PARD3B: variants seen among roughly 807,000 people sequenced by gnomAD.
The protein encoded by PARD3B is par-3 family cell polarity regulator beta.
In PARD3B, 103 loss-of-function variants were observed where a neutral mutation model predicts 130.2. That is an observed-to-expected ratio of 0.79 (90% CI 0.67 to 0.93). The LOEUF (loss-of-function observed/expected upper bound fraction) is 0.93. Ranked by LOEUF, PARD3B falls within the 40% of genes least tolerant of loss-of-function variation. PARD3B has a pLI of 0.00. For missense variants in PARD3B, 1,609 were observed against 1,499.2 expected, an observed-to-expected ratio of 1.07 and a Z score of -1.21; for synonymous variants, 583 against 553.2, an observed-to-expected ratio of 1.05 and a Z score of -0.76.
chr2:205,016,086 C>T (rs1368613471), intron 3 of PARD3B, among the ~76,000 whole-genome samples: 4 of 152,214 alleles, frequency 2.6e-5, no homozygotes, highest in Admixed American at 6.5e-5. Flanking sequence ...CTGTCTAGCA[C>T]TATGACAATA....
chr2:204,887,513 T>C lies in PARD3B; in HGVS notation c.223-77639T>C, dbSNP rs1005790226. 1.3e-5 allele frequency among the ~76,000 whole-genome samples: 2 copies of C among 152,128 alleles called. No individual in the cohort carries two copies. Among genetic ancestry groups the C allele is most frequent in the African/African-American group, 4.8e-5 (2 of 41,414 alleles). On this transcript the variant is annotated intron_variant, in intron 2 of 22. Transcript: ENST00000406610. This position sits in a 1 kb window ranked among gnomAD's most constrained non-coding sequence, Gnocchi z 4.2. Reference sequence around the variant, plus strand: ...TTTTAAAAGCAAAACACTCAAATTATACCACGTTGAAAACATGAAGAGGTG... The same window carrying C: ...TTTTAAAAGCAAAACACTCAAATTACACCACGTTGAAAACATGAAGAGGTG...
chr2:205,264,948 G>A (rs558051664), intron 16 of PARD3B, among the ~76,000 whole-genome samples: 1 of 150,972 alleles, frequency 6.6e-6, no homozygotes, highest in African/African-American at 2.4e-5. Flanking sequence ...CTGTTTATGT[G>A]ATCATAAATC....
rs1575840561 is a variant in PARD3B at position 205,118,994 on chromosome 2, G to T, written c.754G>T (p.Glu252Ter). Residue 252 changes from glutamate (E) to a stop codon, truncating the protein, a stop_gained, in exon 7 of 23, where the codon GAA becomes TAA. Coordinates refer to ENST00000406610, the MANE Select transcript of PARD3B (RefSeq NM_001302769.2). LOFTEE classifies it high-confidence loss of function. ...SKREGLFHEN[E>*]CIVKINNVDL... ...GCGGGAGGGACTATTTCACGAAAAT[G>T]AATGTATTGTAAAAATCAACAATGT... is the stretch of plus-strand genomic sequence containing the variant. 1 of 1,611,818 alleles carries T rather than the reference G, an allele frequency of 6.2e-7. No individual in the cohort carries two copies. The highest frequency in any genetic ancestry group is 8.5e-7 in the Non-Finnish European group (1 of 1,179,122).
At chr2:205,434,997 A>C (rs1241667928) in intron 19 of PARD3B, among the ~76,000 whole-genome samples, 1 of 152,142 alleles carries the variant, frequency 6.6e-6, no homozygotes, top group Non-Finnish European at 1.5e-5. Context: ...AAAAGCTCAA[A>C]CTTTAGCATT....
At chr2:205,064,240 G>C (rs970726356) in intron 4 of PARD3B, among the ~76,000 whole-genome samples, 1 of 152,134 alleles carries the variant, frequency 6.6e-6, no homozygotes, top group African/African-American at 2.4e-5. Flanking sequence ...TAATTCATGA[G>C]AGTGTTGAAC....
chr2:204,777,065 G>C (rs1032539015), intron 2 of PARD3B, among the ~76,000 whole-genome samples: 3 of 152,124 alleles, frequency 2.0e-5, no homozygotes, highest in African/African-American at 7.2e-5. Context: ...AAACCTAATG[G>C]TATGTTCATT....
chr2:204,586,705 G>T (rs1256069205), intron 1 of PARD3B, among the ~76,000 whole-genome samples: 1 of 152,126 alleles, frequency 6.6e-6, no homozygotes, highest in East Asian at 1.9e-4. Flanking sequence ...GGATGGTTTG[G>T]CAGAGACACA....
chr2:204,760,628 A>G (rs2040859307), intron 2 of PARD3B, among the ~76,000 whole-genome samples: 1 of 152,090 alleles, frequency 6.6e-6, no homozygotes, highest in South Asian at 2.1e-4. Context: ...CTGGTTCATT[A>G]TTAAACTTAT....
At chr2:204,732,340 G>A (rs2039551013) in intron 2 of PARD3B, among the ~76,000 whole-genome samples, 1 of 152,032 alleles carries the variant, frequency 6.6e-6, no homozygotes, top group Non-Finnish European at 1.5e-5. Context: ...GTGGCAGGAG[G>A]GCAAACAGCA....
chr2:205,418,512 T>G (rs1276814669), intron 19 of PARD3B, among the ~76,000 whole-genome samples: 1 of 152,120 alleles, frequency 6.6e-6, no homozygotes, highest in Admixed American at 6.6e-5. Flanking sequence ...TGCTATATGA[T>G]CACAGAGAAG....
At chr2:205,150,211 CTGTGTGTGTGTG>C (rs71409001) in intron 10 of PARD3B, among the ~76,000 whole-genome samples, 3 of 134,184 alleles carry the variant, frequency 2.2e-5, no homozygotes, top group African/African-American at 5.7e-5. Flanking sequence ...CAGCCAGGCT[CTGTGTGTGTGTG>C]TGTGTGTGTG....
chr2:205,049,771 G>A (rs1057462499), intron 4 of PARD3B, among the ~76,000 whole-genome samples: 8 of 152,220 alleles, frequency 5.3e-5, no homozygotes, highest in African/African-American at 7.2e-5. Context: ...AAATGCTGGC[G>A]CCCAAAATCC....
At chr2:205,072,689 AAAT>A (rs1453285328) in intron 4 of PARD3B, among the ~76,000 whole-genome samples, 1 of 152,208 alleles carries the variant, frequency 6.6e-6, no homozygotes, top group East Asian at 1.9e-4. Flanking sequence ...GAAAAATTGA[AAAT>A]AATGAGGAAG....
chr2:205,523,314 G>C (rs564601233), intron 21 of PARD3B, among the ~76,000 whole-genome samples: 2 of 149,816 alleles, frequency 1.3e-5, no homozygotes, highest in Non-Finnish European at 1.5e-5. Context: ...GTGCAATCTC[G>C]GCTCACTGCA....
intron 20 of PARD3B, among the ~76,000 whole-genome samples, chr2:205,494,469 C>A (rs192485150): frequency 6.6e-6 from 1 of 152,076 alleles, no homozygotes; most frequent in Non-Finnish European, 1.5e-5. Flanking sequence ...CCTTTGCACC[C>A]CATTCCGTTT....
chr2:204,901,895 A>G (rs955145864), intron 2 of PARD3B, among the ~76,000 whole-genome samples: 1 of 152,094 alleles, frequency 6.6e-6, no homozygotes, highest in Non-Finnish European at 1.5e-5. Context: ...AATGTTGTTT[A>G]GAAGCTATGC....
chr2:205,030,170 A>C (rs933905094), intron 3 of PARD3B, among the ~76,000 whole-genome samples: 1 of 152,118 alleles, frequency 6.6e-6, no homozygotes, highest in Non-Finnish European at 1.5e-5. Flanking sequence ...AGATTGAGAA[A>C]ACCCTGTTTT....
At position 204,599,125 on chromosome 2, in the gene PARD3B, G is replaced by C. The variant is rs558425586; in HGVS notation, c.120+53006G>C. ...TGATCTTTCGATACATACAGTGAAG[G>C]CACAGTGATCAGATCAGGGTAATTA... On this transcript the variant is annotated intron_variant, in intron 1 of 22. Transcript: ENST00000406610. Among the ~76,000 whole-genome samples, 12 of 151,826 alleles carry C rather than the reference G, an allele frequency of 7.9e-5. No homozygotes were observed. In the South Asian group the frequency reaches 2.1e-3, roughly 26 times the overall value.
intron 2 of PARD3B, among the ~76,000 whole-genome samples, chr2:204,927,450 G>C (rs955009507): frequency 6.6e-6 from 1 of 152,112 alleles, no homozygotes; most frequent in Admixed American, 6.6e-5. Context: ...CTTTATCTCA[G>C]ACTTCCCAGC....
Sources: allele counts gnomAD v4.1 joint callset (sites outside exome capture counted in the v4.1 genomes callset), GRCh38; gene constraint gnomAD v4.1.1; non-coding constraint Gnocchi (gnomAD v3.1); transcripts MANE v1.5; gene names NCBI Gene and HGNC (gene_info 2026-07-23, HGNC 2026-07-21).